The following SLC2A14 variants were observed in gnomAD, a reference collection of about 807,000 sequenced individuals.
SLC2A14 encodes the protein solute carrier family 2, facilitated glucose transporter member 14.
SLC2A14 carries 13 observed loss-of-function variants against 43.0 expected under a neutral mutation model. The ratio of observed to expected loss-of-function variants is 0.30; its 90% CI spans 0.20 to 0.48. The LOEUF is 0.48. SLC2A14 is among the 20% of genes least tolerant of loss of function. The probability of loss-of-function intolerance (pLI) is 0.99; values close to 1 mark genes in which losing one functional copy is unlikely to be tolerated. For synonymous variants in SLC2A14, 190 were observed against 233.8 expected (o/e 0.81, Z 1.71); for missense variants, 428 against 620.4 (o/e 0.69, Z 3.29).
chr12:7,814,662 A>G, intron 10 of SLC2A14, 128 bp from the exon 11 acceptor site: 1 of 1,007,300 alleles, frequency 9.9e-7, no homozygotes, highest in Non-Finnish European at 1.4e-6. Flanking sequence ...GAAAACATAA[A>G]GGTTTCTTCA....
At chr12:7,871,439 C>A in intron 1 of SLC2A14, 1 of 223,290 alleles carries the variant, frequency 4.5e-6, no homozygotes. Flanking sequence ...CCGGCACACA[C>A]TGGTCTGTAC....
chr12:7,886,399 G>T (rs1390415675), intron 1 of SLC2A14, among the ~76,000 whole-genome samples: 1 of 149,538 alleles, frequency 6.7e-6, no homozygotes, highest in African/African-American at 2.5e-5. Context: ...TTGAGACAGA[G>T]TTTTTCTTTG....
chr12:7,817,117 A>G (rs984598897), intron 10 of SLC2A14, among the ~76,000 whole-genome samples: 1 of 151,342 alleles, frequency 6.6e-6, no homozygotes, highest in Admixed American at 6.6e-5. Flanking sequence ...TACTATTATT[A>G]TTATATATAT....
At position 7,872,884 on chromosome 12, in the gene SLC2A14, G is replaced by A; in HGVS notation, c.-135C>T. On this transcript the variant is annotated 5_prime_UTR_variant, in exon 1 of 11. Transcript: ENST00000431042. ...CCTCCCGGGCCGCTGCGCCCCCGCC[G>A]GCCCCGCCTGCAGCCGTTGGGACCC... The A allele has an allele frequency of 1.0e-6, 1 of 985,630 alleles. No homozygotes were observed. The highest frequency in any genetic ancestry group is 1.2e-6 in the Non-Finnish European group (1 of 830,130). 61.1% of individuals were successfully genotyped at this position (985,630 alleles called of 1,614,324 possible).
chr12:7,890,823 T>C (rs1349774767), intron 1 of SLC2A14: 5 of 561,128 alleles, frequency 8.9e-6, no homozygotes, highest in Non-Finnish European at 1.1e-5. Flanking sequence ...ACCTGCCCTT[T>C]GGACAGCTGC....
intron 2 of SLC2A14, among the ~76,000 whole-genome samples, chr12:7,848,187 G>A (rs1260341336): frequency 1.3e-5 from 2 of 152,030 alleles, no homozygotes; most frequent in African/African-American, 4.8e-5. Context: ...AGCAGTGGGA[G>A]GTTATAAAGG....
chr12:7,882,618 CTT>C (rs1945606033), intron 1 of SLC2A14, among the ~76,000 whole-genome samples: 2 of 152,118 alleles, frequency 1.3e-5, no homozygotes, highest in Admixed American at 6.6e-5. Flanking sequence ...ACGTGGATCA[CTT>C]GAGCTCAGGG....
intron 2 of SLC2A14, among the ~76,000 whole-genome samples, chr12:7,839,369 T>C (rs1317667490): frequency 6.6e-6 from 1 of 151,552 alleles, no homozygotes; most frequent in Admixed American, 6.6e-5. Flanking sequence ...GGAGGACTCG[T>C]GCTTGGCAGG....
At chr12:7,840,850 G>T (rs1050617980) in intron 2 of SLC2A14, among the ~76,000 whole-genome samples, 8 of 152,170 alleles carry the variant, frequency 5.3e-5, no homozygotes, top group Non-Finnish European at 8.8e-5. Flanking sequence ...GATCCTAAAG[G>T]TTTTGGCTGG....
At chr12:7,863,815 CTTTTTTTCT>C (rs1364737177) in intron 2 of SLC2A14, among the ~76,000 whole-genome samples, 19 of 91,038 alleles carry the variant, frequency 2.1e-4, no homozygotes, top group Admixed American at 1.5e-3. Flanking sequence ...CCTTTTTTTT[CTTTTTTTCT>C]TTTTTTTTTT....
At chr12:7,817,759 G>GATAGATAGATAT (rs1863592265) in intron 10 of SLC2A14, 72 bp downstream of exon 10, 1 of 1,414,550 alleles carries the variant, frequency 7.1e-7, no homozygotes, top group African/African-American at 1.5e-5. Flanking sequence ...TATATAGATA[G>GATAGATAGATAT]ATAGATAGAT....
In SLC2A14 at chr12:7,829,705, G is replaced by T. The variant is rs1864834011; in HGVS notation, c.513+61C>A. 7 of 1,596,536 alleles carry T rather than the reference G, an allele frequency of 4.4e-6. No individual in the cohort carries two copies. In the South Asian group the frequency reaches 6.8e-5, roughly 15 times the overall value. ...AGATATTCTTCAGTGCTTTACCTATGTTAACTTTTTTAATGACCCATGAAA... is the reference window on the plus strand; with the variant it reads ...AGATATTCTTCAGTGCTTTACCTATTTTAACTTTTTTAATGACCCATGAAA... On this transcript the variant is annotated intron_variant, in intron 5 of 10. Transcript: ENST00000431042.
chr12:7,886,023 C>T (rs1340135385), intron 1 of SLC2A14, among the ~76,000 whole-genome samples: 5 of 149,892 alleles, frequency 3.3e-5, no homozygotes, highest in Admixed American at 6.7e-5. Flanking sequence ...CTCACTCTGT[C>T]GCTCAGGCTG....
chr12:7,832,610 G>T, intron 3 of SLC2A14, 112 bp downstream of exon 3: 1 of 1,156,942 alleles, frequency 8.6e-7, no homozygotes, highest in East Asian at 2.4e-5. Flanking sequence ...GGAGTAGCTG[G>T]GACTCCAGGC....
chr12:7,820,059 C>A (rs1175716521), intron 8 of SLC2A14, among the ~76,000 whole-genome samples: 1 of 58,486 alleles, frequency 1.7e-5, no homozygotes, highest in Non-Finnish European at 3.5e-5. Context: ...TCATGGAGAA[C>A]CAATTAAGTC....
Position 7,831,780 on chromosome 12 carries a change from TG to T in SLC2A14, c.112-17del. 1.2e-6 allele frequency: 2 copies of T among 1,613,904 alleles called. No individual in the cohort carries two copies. The highest frequency in any genetic ancestry group is 1.7e-6 in the Non-Finnish European group (2 of 1,179,872). ...CCTTTATGATCTGCAAAATAAAAGG[TG>T]GGAGGACAGACTATTACAGTTGGAT... On this transcript the variant is annotated splice_polypyrimidine_tract_variant and intron_variant, in intron 3 of 10. Transcript: ENST00000431042.
At chr12:7,821,139 G>C in intron 8 of SLC2A14, 82 bp downstream of exon 8, 1 of 1,030,938 alleles carries the variant, frequency 9.7e-7, no homozygotes, top group Non-Finnish European at 1.5e-6. Flanking sequence ...ACTAAATAAC[G>C]GTGGAGCCAT....
intron 1 of SLC2A14, among the ~76,000 whole-genome samples, chr12:7,887,451 A>G (rs894098586): frequency 7.2e-5 from 11 of 152,104 alleles, no homozygotes. Flanking sequence ...TGAATGAACC[A>G]TTCATACTCT....
chr12:7,888,407 T>C (rs7135453), intron 1 of SLC2A14, among the ~76,000 whole-genome samples: 121,989 of 152,194 alleles, frequency 0.8, 49,131 homozygotes, highest in African/African-American at 0.88. Flanking sequence ...ACGCACTCAA[T>C]GGTGGAAAAC....
Sources: allele counts gnomAD v4.1 joint callset (sites outside exome capture counted in the v4.1 genomes callset), GRCh38; gene constraint gnomAD v4.1.1; transcripts MANE v1.5; gene names NCBI Gene and HGNC (gene_info 2026-07-23, HGNC 2026-07-21).